Variants in DPYSL5 observed in about 807,000 individuals in gnomAD.
DPYSL5 encodes the protein dihydropyrimidinase like 5, also known as dihydropyrimidinase-related protein 5.
A neutral mutation model predicts 58.4 loss-of-function variants in DPYSL5; 9 were observed. That is an observed-to-expected ratio of 0.15 (90% CI 0.09 to 0.27). The LOEUF (loss-of-function observed/expected upper bound fraction) is 0.27. DPYSL5 is among the 10% of genes least tolerant of loss of function. DPYSL5 has a pLI of 1.00. For synonymous variants in DPYSL5, 293 were observed against 301.9 expected (o/e 0.97, Z 0.31); for missense variants, 499 against 770.6 (o/e 0.65, Z 4.17).
chr2:26,887,108 A>T (rs1226146841), intron 1 of DPYSL5, among the ~76,000 whole-genome samples: 1 of 152,220 alleles, frequency 6.6e-6, no homozygotes, highest in Non-Finnish European at 1.5e-5. Context: ...ATGTCACATG[A>T]CAGTGTTTTT....
intron 5 of DPYSL5, among the ~76,000 whole-genome samples, chr2:26,929,145 T>C (rs1472993583): frequency 1.3e-5 from 2 of 152,172 alleles, no homozygotes; most frequent in Non-Finnish European, 2.9e-5. Context: ...TATTGTGAAC[T>C]GCACATGCGA....
chr2:26,860,949 A>C (rs1665995522), intron 1 of DPYSL5, among the ~76,000 whole-genome samples: 1 of 152,182 alleles, frequency 6.6e-6, no homozygotes, highest in Admixed American at 6.5e-5. Context: ...CATGGCTTTA[A>C]ATGTTTATCA....
intron 1 of DPYSL5, among the ~76,000 whole-genome samples, chr2:26,884,579 C>G (rs1228337036): frequency 6.6e-6 from 1 of 151,942 alleles, no homozygotes; most frequent in Non-Finnish European, 1.5e-5. Flanking sequence ...CTGACAACTG[C>G]CCCTTAGCTC....
chr2:26,888,209 T>TTTTCTTTC (rs70953832), intron 1 of DPYSL5, among the ~76,000 whole-genome samples: 6,306 of 104,934 alleles, frequency 0.06, 387 homozygotes, highest in Middle Eastern at 0.088. Flanking sequence ...CTTCCCTTTC[T>TTTTCTTTC]TTTCTTTCTT....
Position 26,933,289 on chromosome 2 carries a change from C to T in DPYSL5, c.746C>T (p.Ser249Phe). 6.2e-7 allele frequency: 1 copy of T among 1,614,158 alleles called. No individual in the cohort carries two copies. The highest frequency in any genetic ancestry group is 8.5e-7 in the Non-Finnish European group (1 of 1,180,016). The change falls in exon 7 of 13, where the codon TCC becomes TTC. Residue 249 changes from serine to phenylalanine, a missense_variant. Transcript: ENST00000288699. This position sits in a 1 kb window ranked among gnomAD's most constrained non-coding sequence, Gnocchi z 4.2. ...THCPIYLVNV[S>F]SISAGDVIAA... Reference sequence around the variant, plus strand: ...TGTCCAATCTACCTGGTCAACGTGTCCAGTATCTCGGCTGGTGACGTTATC... The same window carrying T: ...TGTCCAATCTACCTGGTCAACGTGTTCAGTATCTCGGCTGGTGACGTTATC...
intron 1 of DPYSL5, among the ~76,000 whole-genome samples, chr2:26,890,061 T>C (rs1054059579): frequency 3.3e-5 from 5 of 152,174 alleles, no homozygotes; most frequent in Admixed American, 6.5e-5. Context: ...AGGATACTGG[T>C]GCAATAGGCT....
chr2:26,925,123 C>T lies in DPYSL5; in HGVS notation c.420+78C>T. 2 of 1,543,424 alleles carry T rather than the reference C, an allele frequency of 1.3e-6. No individual in the cohort carries two copies. Among genetic ancestry groups the T allele is most frequent in the South Asian group, 1.2e-5 (1 of 81,142 alleles). On this transcript the variant is annotated intron_variant, in intron 3 of 12. Coordinates refer to ENST00000288699, the MANE Select transcript of DPYSL5 (RefSeq NM_020134.4). The surrounding 1 kb of genome is among the most constrained non-coding windows in gnomAD (Gnocchi z 4.5). ...AGGGGCTGGTTGGGGTGCAGTGCCT[C>T]CTGCTTGTGTGGGGCACCCCTCCCA...
At chr2:26,883,287 T>A (rs183797675) in intron 1 of DPYSL5, among the ~76,000 whole-genome samples, 3 of 152,322 alleles carry the variant, frequency 2.0e-5, no homozygotes, top group Admixed American at 2.0e-4. Context: ...TCCTTGTTTT[T>A]GTTTTGCCAT....
At chr2:26,861,754 C>A (rs1482773083) in intron 1 of DPYSL5, among the ~76,000 whole-genome samples, 1 of 152,194 alleles carries the variant, frequency 6.6e-6, no homozygotes, top group Non-Finnish European at 1.5e-5. Context: ...CGGCCATGAT[C>A]TCTAACTCCT....
At position 26,944,635 on chromosome 2, in the gene DPYSL5, T is replaced by G; in HGVS notation, c.1441-21T>G. ...TGATGGTGTTGTCCTGTTCTTCTGC[T>G]CTTCTTCCATCCTTCCCTAGACTTT... On this transcript the variant is annotated intron_variant, in intron 11 of 12. Transcript: ENST00000288699. The surrounding 1 kb of genome is among the most constrained non-coding windows in gnomAD (Gnocchi z 4.4). 3.7e-6 allele frequency: 6 copies of G among 1,611,176 alleles called. No individual in the cohort carries two copies. Among genetic ancestry groups the G allele is most frequent in the Non-Finnish European group, 3.4e-6 (4 of 1,178,272 alleles).
intron 1 of DPYSL5, among the ~76,000 whole-genome samples, chr2:26,883,194 C>G (rs1211771573): frequency 1.3e-5 from 2 of 152,176 alleles, no homozygotes; most frequent in African/African-American, 4.8e-5. Flanking sequence ...GAAGCTCCCC[C>G]TACCATGGGC....
intron 1 of DPYSL5, among the ~76,000 whole-genome samples, chr2:26,867,448 TTTTTTTGTTTG>T (rs1320196179): frequency 2.0e-5 from 3 of 147,188 alleles, no homozygotes; most frequent in African/African-American, 7.6e-5. Flanking sequence ...TGTTTGTTTT[TTTTTTTGTTTG>T]TTTTTTTTTT....
At chr2:26,857,440 T>C (rs1210255476) in intron 1 of DPYSL5, among the ~76,000 whole-genome samples, 1 of 151,774 alleles carries the variant, frequency 6.6e-6, no homozygotes, top group African/African-American at 2.4e-5. Flanking sequence ...CTTGGGAAGC[T>C]GAGGCAGGAG....
chr2:26,931,146 A>T (rs1343463464), intron 5 of DPYSL5, among the ~76,000 whole-genome samples: 2 of 60,660 alleles, frequency 3.3e-5, no homozygotes, highest in African/African-American at 6.8e-5. Flanking sequence ...CTAAAAAAAA[A>T]AAAAAAATAT....
intron 3 of DPYSL5, among the ~76,000 whole-genome samples, chr2:26,926,567 A>ACCAT (rs1251754315): frequency 6.6e-6 from 1 of 152,232 alleles, no homozygotes; most frequent in Non-Finnish European, 1.5e-5. Context: ...AACCCCCAGC[A>ACCAT]CCATCCCTGC....
chr2:26,885,200 A>T (rs1663685489), intron 1 of DPYSL5, among the ~76,000 whole-genome samples: 1 of 152,124 alleles, frequency 6.6e-6, no homozygotes, highest in Admixed American at 6.5e-5. Flanking sequence ...CTCTGTCTCA[A>T]AAAACAAAAC....
chr2:26,881,337 G>A (rs1449784619), intron 1 of DPYSL5, among the ~76,000 whole-genome samples: 1 of 152,196 alleles, frequency 6.6e-6, no homozygotes, highest in Admixed American at 6.5e-5. Context: ...GTTTCTGTAA[G>A]CCTCCTGAGA....
At chr2:26,901,011 C>T (rs965623710) in intron 2 of DPYSL5, among the ~76,000 whole-genome samples, 7 of 152,146 alleles carry the variant, frequency 4.6e-5, no homozygotes, top group African/African-American at 7.2e-5. Flanking sequence ...GCTCTGCACA[C>T]GTGTCTTTAT....
In DPYSL5 at chr2:26,934,249, C is replaced by T. The variant is rs1665114888; in HGVS notation, c.791-329C>T. Among the ~76,000 whole-genome samples the T allele has an allele frequency of 6.6e-6, 1 of 152,188 alleles. No individual in the cohort carries two copies. The highest frequency in any genetic ancestry group is 2.1e-4 in the South Asian group (1 of 4,824). On this transcript the variant is annotated intron_variant, in intron 7 of 12. Coordinates refer to ENST00000288699, the MANE Select transcript of DPYSL5 (RefSeq NM_020134.4). This position sits in a 1 kb window ranked among gnomAD's most constrained non-coding sequence, Gnocchi z 4.3. ...AGCGTGGCATTCGTGGCCCTGCATG[C>T]CTGTTCACCCACCGTCAAGCTCCAT...
Sources: allele counts gnomAD v4.1 joint callset (sites outside exome capture counted in the v4.1 genomes callset), GRCh38; gene constraint gnomAD v4.1.1; non-coding constraint Gnocchi (gnomAD v3.1); transcripts MANE v1.5; gene names NCBI Gene and HGNC (gene_info 2026-07-23, HGNC 2026-07-21).